Variants in TNR observed in about 807,000 individuals in gnomAD.
TNR encodes the protein tenascin R, also known as tenascin-R.
Under a neutral mutation model 150.4 loss-of-function variants are expected in TNR, and 45 were observed. That is an observed-to-expected ratio of 0.30 (90% CI 0.24 to 0.38). The LOEUF (loss-of-function observed/expected upper bound fraction) is 0.38. Ranked by LOEUF, TNR falls within the 10% of genes least tolerant of loss-of-function variation. The probability of loss-of-function intolerance (pLI) is 1.00; values close to 1 mark genes in which losing one functional copy is unlikely to be tolerated. For missense variants in TNR, 1,544 were observed against 1,759.1 expected (o/e 0.88, Z 2.19); for synonymous variants, 687 against 678.4 (o/e 1.01, Z -0.20).
chr1:175,541,030 G>C (rs75945688), intron 1 of TNR, among the ~76,000 whole-genome samples: 24 of 151,652 alleles, frequency 1.6e-4, no homozygotes, highest in Non-Finnish European at 3.1e-4. Flanking sequence ...CTATCCCCAG[G>C]CTTGCTCACC....
intron 21 of TNR, 86 bp downstream of exon 21, chr1:175,329,988 G>GCTT (rs1394561820): frequency 7.4e-7 from 1 of 1,354,996 alleles, no homozygotes; most frequent in Non-Finnish European, 9.8e-7. Flanking sequence ...GGGTGCTGCT[G>GCTT]CTTCCTGAGG....
intron 1 of TNR, among the ~76,000 whole-genome samples, chr1:175,593,452 C>T (rs1379404184): frequency 6.6e-6 from 1 of 151,916 alleles, no homozygotes; most frequent in Non-Finnish European, 1.5e-5. Context: ...TATAGAGACC[C>T]CTCTTATGTA....
intron 1 of TNR, among the ~76,000 whole-genome samples, chr1:175,670,069 C>T (rs1394230569): frequency 1.3e-5 from 2 of 152,206 alleles, no homozygotes; most frequent in Admixed American, 1.3e-4. Flanking sequence ...CCTCTCACCT[C>T]TCCTGCAGTA....
chr1:175,424,659 G>T (rs1371292957), intron 2 of TNR, among the ~76,000 whole-genome samples: 1 of 152,164 alleles, frequency 6.6e-6, no homozygotes, highest in Non-Finnish European at 1.5e-5. Flanking sequence ...AAGGTTGGGG[G>T]AAGAGAAATG....
At chr1:175,697,116 C>T (rs1454557334) in intron 1 of TNR, among the ~76,000 whole-genome samples, 2 of 149,560 alleles carry the variant, frequency 1.3e-5, no homozygotes, top group Non-Finnish European at 3.0e-5. Context: ...TATGTATGTA[C>T]ATATATCTGT....
At chr1:175,646,628 G>A (rs1558052550) in intron 1 of TNR, among the ~76,000 whole-genome samples, 1 of 152,194 alleles carries the variant, frequency 6.6e-6, no homozygotes, top group Non-Finnish European at 1.5e-5. Flanking sequence ...ACCACCTACA[G>A]GCCAAATTGG....
intron 2 of TNR, among the ~76,000 whole-genome samples, chr1:175,476,223 T>A (rs1373387383): frequency 6.6e-6 from 1 of 152,214 alleles, no homozygotes; most frequent in Non-Finnish European, 1.5e-5. Flanking sequence ...GTGCTTGCCA[T>A]GATCACAGGA....
intron 2 of TNR, among the ~76,000 whole-genome samples, chr1:175,415,739 G>T (rs541149848): frequency 6.6e-6 from 1 of 152,298 alleles, no homozygotes; most frequent in East Asian, 1.9e-4. Flanking sequence ...AACTCTAATT[G>T]ACATTACCTT....
At chr1:175,656,198 T>C (rs12729237) in intron 1 of TNR, among the ~76,000 whole-genome samples, 1 of 132,104 alleles carries the variant, frequency 7.6e-6, no homozygotes, top group East Asian at 2.4e-4. Flanking sequence ...GTGTATGTGG[T>C]CTACCTTTTT....
chr1:175,395,798 T>C (rs1429722452), intron 5 of TNR, among the ~76,000 whole-genome samples: 1 of 152,232 alleles, frequency 6.6e-6, no homozygotes, highest in Non-Finnish European at 1.5e-5. Flanking sequence ...ATGTAGTCAG[T>C]GTTAATAATT....
chr1:175,380,087 G>A (rs1652599528), intron 8 of TNR, among the ~76,000 whole-genome samples: 1 of 152,196 alleles, frequency 6.6e-6, no homozygotes, highest in Admixed American at 6.5e-5. Flanking sequence ...GCCAGCTCCC[G>A]AGTGATGGAG....
intron 2 of TNR, among the ~76,000 whole-genome samples, chr1:175,453,457 C>T (rs1193169608): frequency 6.6e-6 from 1 of 151,972 alleles, no homozygotes; most frequent in African/African-American, 2.4e-5. Flanking sequence ...GGGGAGGGGA[C>T]CTCTCTGGGG....
At chr1:175,681,781 G>A (rs1346090232) in intron 1 of TNR, among the ~76,000 whole-genome samples, 1 of 152,186 alleles carries the variant, frequency 6.6e-6, no homozygotes, top group Non-Finnish European at 1.5e-5. Context: ...GCTGGGAGCA[G>A]GAGTGGGGAG....
rs556013367 is a variant in TNR, at chr1:175,358,566, C to G, written c.2974+1046G>C. On this transcript the variant is annotated intron_variant, in intron 15 of 22. Transcript: ENST00000367674. ...AGCTTTCTCTGTCATTTTTGAAAAC[C>G]AAGACATCTGCCTGCCTTCTGTCTT... Among the ~76,000 whole-genome samples the G allele has an allele frequency of 2.0e-5, 3 of 152,272 alleles. No homozygotes were observed. The East Asian group carries it at 5.8e-4, about 29-fold the overall frequency.
rs553265304 is a variant in TNR at position 175,377,298 on chromosome 1, T to G, written c.1963+2254A>C. 1.6e-4 allele frequency among the ~76,000 whole-genome samples: 24 copies of G among 152,264 alleles called. No individual in the cohort carries two copies. The South Asian group carries it at 4.2e-3, about 26-fold the overall frequency. On this transcript the variant is annotated intron_variant, in intron 9 of 22. Coordinates refer to ENST00000367674, the MANE Select transcript of TNR (RefSeq NM_003285.3). ...TTTCCCGGTAGAGGGAAATAATAACTAGGACGTGGGGTTTTCTATCTCTCT... is the reference window on the plus strand; with the variant it reads ...TTTCCCGGTAGAGGGAAATAATAACGAGGACGTGGGGTTTTCTATCTCTCT...
chr1:175,456,526 T>G (rs1479262274), intron 2 of TNR, among the ~76,000 whole-genome samples: 2 of 152,226 alleles, frequency 1.3e-5, no homozygotes, highest in African/African-American at 4.8e-5. Context: ...TTAATAAATC[T>G]CCTAAGTAAA....
At chr1:175,548,695 G>C (rs1660816602) in intron 1 of TNR, among the ~76,000 whole-genome samples, 1 of 151,698 alleles carries the variant, frequency 6.6e-6, no homozygotes, top group Non-Finnish European at 1.5e-5. Context: ...TGGGCAGGGA[G>C]CCTCTCTACT....
intron 1 of TNR, among the ~76,000 whole-genome samples, chr1:175,676,025 A>G (rs1571740978): frequency 1.3e-5 from 2 of 152,314 alleles, no homozygotes; most frequent in Admixed American, 6.5e-5. Context: ...GCATGGTGCC[A>G]TAGTAACTGC....
chr1:175,670,785 G>A (rs1016443531), intron 1 of TNR, among the ~76,000 whole-genome samples: 1 of 152,048 alleles, frequency 6.6e-6, no homozygotes, highest in African/African-American at 2.4e-5. Flanking sequence ...AGGGTCGGAT[G>A]GACCTAAAAA....
Sources: gnomAD v4.1 joint callset for allele counts (sites outside exome capture counted in the v4.1 genomes callset) on GRCh38, gnomAD v4.1.1 for gene constraint, MANE v1.5 for transcripts, NCBI Gene and HGNC (gene_info 2026-07-23, HGNC 2026-07-21) for gene names.